GPR39: variants seen among roughly 807,000 people sequenced by gnomAD.
GPR39 encodes zinc sensing receptor.
Under a neutral mutation model 18.4 loss-of-function variants are expected in GPR39, and 23 were observed. The ratio of observed to expected loss-of-function variants is 1.25; its 90% CI spans 0.90 to 1.77. The LOEUF (loss-of-function observed/expected upper bound fraction) is 1.77. Among genes scored for constraint, GPR39 ranks in the 40% most tolerant of loss-of-function variants. The pLI, the probability that GPR39 is intolerant of heterozygous loss-of-function variation, is 0.00. For missense variants in GPR39, 647 were observed against 602.4 expected (o/e 1.07, Z -0.78); for synonymous variants, 280 against 257.9 (o/e 1.09, Z -0.82).
chr2:132,576,472 G>A lies in GPR39; in HGVS notation c.857-68629G>A, dbSNP rs200581838. ...ATTCGAGACCAGCCTGGCCAACATG[G>A]CAAAACCCCATCTCTACTAAAAATA... On this transcript the variant is annotated intron_variant, in intron 1 of 1. Transcript: ENST00000329321. Among the ~76,000 whole-genome samples the A allele has an allele frequency of 8.5e-5, 13 of 152,118 alleles. No individual in the cohort carries two copies. In the East Asian group the frequency reaches 2.5e-3, roughly 29 times the overall value.
intron 1 of GPR39, among the ~76,000 whole-genome samples, chr2:132,592,048 A>G (rs1680855203): frequency 6.6e-6 from 1 of 152,244 alleles, no homozygotes. Context: ...TCATTTGTGC[A>G]ATAAATAGTT....
At chr2:132,613,327 A>G (rs1333149642) in intron 1 of GPR39, among the ~76,000 whole-genome samples, 3 of 152,206 alleles carry the variant, frequency 2.0e-5, no homozygotes, top group Admixed American at 1.3e-4. Flanking sequence ...AAATAACTCT[A>G]TTGGGCATGA....
intron 1 of GPR39, among the ~76,000 whole-genome samples, chr2:132,494,047 G>C (rs1681590124): frequency 6.6e-6 from 1 of 152,104 alleles, no homozygotes; most frequent in Admixed American, 6.5e-5. Flanking sequence ...GAGAGCAGAA[G>C]GCAGGTTATG....
chr2:132,627,389 C>T (rs934672256), intron 1 of GPR39, among the ~76,000 whole-genome samples: 5 of 152,186 alleles, frequency 3.3e-5, no homozygotes, highest in African/African-American at 1.2e-4. Flanking sequence ...ACCACGGAAA[C>T]TCAGGACAGG....
At chr2:132,490,706 G>A (rs1356177582) in intron 1 of GPR39, among the ~76,000 whole-genome samples, 1 of 151,834 alleles carries the variant, frequency 6.6e-6, no homozygotes, top group African/African-American at 2.4e-5. Flanking sequence ...GATGATGTGG[G>A]CACAGGCCTG....
At chr2:132,475,972 C>T (rs944420623) in intron 1 of GPR39, among the ~76,000 whole-genome samples, 7 of 152,198 alleles carry the variant, frequency 4.6e-5, no homozygotes, top group African/African-American at 1.4e-4. Context: ...TCTCAATCAA[C>T]TGCAGGTGAA....
chr2:132,629,865 T>C (rs748499332), intron 1 of GPR39, among the ~76,000 whole-genome samples: 2 of 152,172 alleles, frequency 1.3e-5, no homozygotes, highest in Non-Finnish European at 2.9e-5. Flanking sequence ...CTGGGGGTGA[T>C]GCACTTGAAC....
intron 1 of GPR39, among the ~76,000 whole-genome samples, chr2:132,640,484 G>A (rs980162518): frequency 6.6e-6 from 1 of 152,224 alleles, no homozygotes; most frequent in Non-Finnish European, 1.5e-5. Flanking sequence ...GCTGTCTGGA[G>A]TATAATACAG....
intron 1 of GPR39, among the ~76,000 whole-genome samples, chr2:132,600,318 A>G (rs890839398): frequency 6.6e-6 from 1 of 152,232 alleles, no homozygotes; most frequent in African/African-American, 2.4e-5. Flanking sequence ...CAAATAAACA[A>G]CCTAACAATG....
intron 1 of GPR39, among the ~76,000 whole-genome samples, chr2:132,517,080 C>A (rs1164260496): frequency 2.0e-5 from 3 of 151,794 alleles, no homozygotes; most frequent in African/African-American, 7.3e-5. Context: ...GGACACTCTT[C>A]AGGTTTTGGT....
At chr2:132,425,878 T>TC (rs572390000) in intron 1 of GPR39, among the ~76,000 whole-genome samples, 4 of 151,646 alleles carry the variant, frequency 2.6e-5, no homozygotes, top group African/African-American at 7.3e-5. Context: ...GAGGTAAAAT[T>TC]CCCCCCCAGA....
At chr2:132,469,541 G>A (rs1447824310) in intron 1 of GPR39, among the ~76,000 whole-genome samples, 1 of 152,192 alleles carries the variant, frequency 6.6e-6, no homozygotes, top group African/African-American at 2.4e-5. Context: ...AGGCCTGAGC[G>A]TCCTTTGGCT....
intron 1 of GPR39, among the ~76,000 whole-genome samples, chr2:132,548,045 G>T (rs1335000615): frequency 6.6e-6 from 1 of 151,976 alleles, no homozygotes; most frequent in African/African-American, 2.4e-5. Context: ...CACCCTCCCC[G>T]CTTACGCCCC....
At chr2:132,627,780 C>G (rs1246478856) in intron 1 of GPR39, among the ~76,000 whole-genome samples, 1 of 152,160 alleles carries the variant, frequency 6.6e-6, no homozygotes, top group Non-Finnish European at 1.5e-5. Flanking sequence ...AGAAAAAGAT[C>G]TAGCTTGGAT....
chr2:132,501,760 T>C (rs1196939049), intron 1 of GPR39, among the ~76,000 whole-genome samples: 2 of 152,174 alleles, frequency 1.3e-5, no homozygotes, highest in African/African-American at 4.8e-5. Context: ...GGATCACCAG[T>C]GTTAGGTGCA....
intron 1 of GPR39, chr2:132,606,022 C>T (rs941173953): frequency 4.6e-5 from 7 of 152,230 alleles, no homozygotes; most frequent in African/African-American, 1.7e-4. Flanking sequence ...AAGCAGGAGC[C>T]CAGGTGGGTG....
intron 1 of GPR39, among the ~76,000 whole-genome samples, chr2:132,463,840 G>T (rs1680876117): frequency 6.6e-6 from 1 of 152,160 alleles, no homozygotes. Context: ...CCACGGGATG[G>T]GCAGGACTGG....
At chr2:132,588,323 G>C (rs1173226648) in intron 1 of GPR39, among the ~76,000 whole-genome samples, 1 of 152,118 alleles carries the variant, frequency 6.6e-6, no homozygotes, top group Non-Finnish European at 1.5e-5. Context: ...GGGAGGGAAG[G>C]ATGGCCAAGG....
intron 1 of GPR39, among the ~76,000 whole-genome samples, chr2:132,505,268 T>C (rs768949152): frequency 1.1e-4 from 17 of 152,180 alleles, no homozygotes; most frequent in Non-Finnish European, 2.2e-4. Context: ...AAAAAAATTA[T>C]TAATACATAA....
Sources: gnomAD v4.1 joint callset for allele counts (sites outside exome capture counted in the v4.1 genomes callset) on GRCh38, gnomAD v4.1.1 for gene constraint, MANE v1.5 for transcripts, NCBI Gene and HGNC (gene_info 2026-07-23, HGNC 2026-07-21) for gene names.